Variants in DACH1 observed in about 807,000 individuals in gnomAD.
DACH1 encodes dachshund homolog 1.
DACH1 carries 12 observed loss-of-function variants against 54.2 expected under a neutral mutation model. The ratio of observed to expected loss-of-function variants is 0.22; its 90% CI spans 0.14 to 0.36. The LOEUF (loss-of-function observed/expected upper bound fraction) is 0.36, where lower values mean the gene tolerates loss of function less well. Ranked by LOEUF, DACH1 falls within the 10% of genes least tolerant of loss-of-function variation. The pLI, the probability that DACH1 is intolerant of heterozygous loss-of-function variation, is 1.00. For missense variants in DACH1, 805 were observed against 929.8 expected (o/e 0.87, Z 1.75); for synonymous variants, 386 against 366.2 (o/e 1.05, Z -0.62).
intron 1 of DACH1, among the ~76,000 whole-genome samples, chr13:71,860,319 G>A (rs563866393): frequency 6.6e-6 from 1 of 151,676 alleles, no homozygotes; most frequent in African/African-American, 2.4e-5. Flanking sequence ...GCTGACATAT[G>A]CTAAGGTCAT....
At chr13:71,775,649 G>C (rs1023419479) in intron 1 of DACH1, among the ~76,000 whole-genome samples, 3 of 151,980 alleles carry the variant, frequency 2.0e-5, no homozygotes, top group African/African-American at 7.3e-5. Flanking sequence ...GAATATAGTT[G>C]TCACAGACAT....
At chr13:71,636,549 AAATAATAATAATAAT>A (rs368128838) in intron 2 of DACH1, among the ~76,000 whole-genome samples, 3 of 146,910 alleles carry the variant, frequency 2.0e-5, no homozygotes, top group South Asian at 4.3e-4. Flanking sequence ...CACAAAGTAA[AAATAATAATAATAAT>A]AATAATAATA....
At chr13:71,864,498 CA>C (rs1479630109) in intron 1 of DACH1, among the ~76,000 whole-genome samples, 1 of 152,166 alleles carries the variant, frequency 6.6e-6, no homozygotes, top group Non-Finnish European at 1.5e-5. Context: ...CGGGAGCACA[CA>C]CTAACTCCGC....
intron 1 of DACH1, among the ~76,000 whole-genome samples, chr13:71,849,792 A>G (rs1873541243): frequency 6.6e-6 from 1 of 152,206 alleles, no homozygotes; most frequent in South Asian, 2.1e-4. Flanking sequence ...CCAGATATCA[A>G]ATTCATTCAT....
At position 71,630,547 on chromosome 13, in the gene DACH1, A is replaced by G; in HGVS notation, c.1126+9T>C. 6.3e-7 allele frequency: 1 copy of G among 1,577,750 alleles called. No individual in the cohort carries two copies. On this transcript the variant is annotated intron_variant, in intron 3 of 10. Coordinates refer to ENST00000613252, the MANE Select transcript of DACH1 (RefSeq NM_080759.6). ...GATCACAATAAGTTTCAGCGAACAT[A>G]AAACTTACCGACACTTGAATTCATG...
intron 10 of DACH1, among the ~76,000 whole-genome samples, chr13:71,462,899 C>T (rs1277309229): frequency 3.7e-5 from 3 of 81,510 alleles, no homozygotes; most frequent in Non-Finnish European, 6.2e-5. Context: ...CACACACACA[C>T]ACACACACAC....
intron 1 of DACH1, among the ~76,000 whole-genome samples, chr13:71,786,689 T>C (rs777711153): frequency 3.9e-5 from 6 of 152,180 alleles, no homozygotes; most frequent in Non-Finnish European, 5.9e-5. Flanking sequence ...CTGGCTATTA[T>C]TAAGTCCAAT....
chr13:71,748,749 T>C (rs1233981515), intron 1 of DACH1, among the ~76,000 whole-genome samples: 1 of 152,204 alleles, frequency 6.6e-6, no homozygotes, highest in East Asian at 1.9e-4. Context: ...CAAAAACATA[T>C]GGGACATTTT....
At chr13:71,827,756 AAAG>A (rs1888434769) in intron 1 of DACH1, among the ~76,000 whole-genome samples, 1 of 152,082 alleles carries the variant, frequency 6.6e-6, no homozygotes, top group African/African-American at 2.4e-5. Context: ...AGAAGTGAGA[AAAG>A]AATAGGAGAA....
chr13:71,627,608 G>A (rs575953504), intron 3 of DACH1, among the ~76,000 whole-genome samples: 3 of 152,132 alleles, frequency 2.0e-5, no homozygotes, highest in East Asian at 3.9e-4. Flanking sequence ...CTTCAGCACC[G>A]CTTCCTAACC....
chr13:71,599,310 T>G (rs1874328891), intron 3 of DACH1, among the ~76,000 whole-genome samples: 1 of 152,116 alleles, frequency 6.6e-6, no homozygotes, highest in South Asian at 2.1e-4. Flanking sequence ...TCAAATGAAT[T>G]AGGAGTAAAA....
intron 10 of DACH1, among the ~76,000 whole-genome samples, chr13:71,470,286 T>A (rs779349030): frequency 6.1e-4 from 89 of 147,106 alleles, no homozygotes; most frequent in Admixed American, 7.8e-4. Context: ...TAAACATTAA[T>A]TCTGGGTTTC....
Position 71,681,831 on chromosome 13 carries a change from G to A in DACH1, c.928C>T (p.Pro310Ser), listed in dbSNP as rs369427862. The change falls in exon 2 of 11, where the codon CCT becomes TCT. Residue 310 changes from proline (P) to serine (S), a missense_variant. Around this residue, in one of 3 missense-constraint regions of DACH1, gnomAD observed 472 missense variants for 545.3 expected, o/e 0.87. Coordinates refer to ENST00000613252, the MANE Select transcript of DACH1 (RefSeq NM_080759.6). The part of the protein sequence containing the change: ...ENSHIMPHSV[P>S]GLMSPGIIPP... ...ATTATCCCAGGAGACATGAGACCAG[G>A]GACAGAATGCGGCATGATGTGAGAG... is the stretch of plus-strand genomic sequence containing the variant. 13 of 1,613,838 alleles carry A rather than the reference G, an allele frequency of 8.1e-6. No homozygotes were observed. Among genetic ancestry groups the A allele is most frequent in the Admixed American group, 1.7e-5 (1 of 59,986 alleles).
intron 4 of DACH1, among the ~76,000 whole-genome samples, chr13:71,571,423 A>T (rs185141795): frequency 6.6e-6 from 1 of 152,288 alleles, no homozygotes; most frequent in African/African-American, 2.4e-5. Context: ...AAATTTAACA[A>T]TACGGTGATA....
Position 71,632,933 on chromosome 13 carries a change from T to C in DACH1, c.965-2216A>G, listed in dbSNP as rs117237817. On this transcript the variant is annotated intron_variant, in intron 2 of 10. Coordinates refer to ENST00000613252, the MANE Select transcript of DACH1 (RefSeq NM_080759.6). Reference sequence around the variant, plus strand: ...CAAAGATGTTTCAGAAAATTTTCTTTCCTGTTCTCTTAAAAGTCTCTTTGT... The same window carrying C: ...CAAAGATGTTTCAGAAAATTTTCTTCCCTGTTCTCTTAAAAGTCTCTTTGT... 1.4e-4 allele frequency among the ~76,000 whole-genome samples: 21 copies of C among 152,338 alleles called. No homozygotes were observed. The East Asian group carries it at 3.7e-3, about 27-fold the overall frequency.
At chr13:71,755,844 A>C (rs1049355160) in intron 1 of DACH1, among the ~76,000 whole-genome samples, 2 of 152,194 alleles carry the variant, frequency 1.3e-5, no homozygotes, top group African/African-American at 4.8e-5. Flanking sequence ...CAACAAATAT[A>C]TGGAAACCAT....
chr13:71,537,865 T>C (rs1175439410), intron 6 of DACH1, among the ~76,000 whole-genome samples: 1 of 152,124 alleles, frequency 6.6e-6, no homozygotes, highest in Non-Finnish European at 1.5e-5. Flanking sequence ...TAGACAAACA[T>C]AAAAATGTAA....
Position 71,866,341 on chromosome 13 carries a change from G to A in DACH1, c.429C>T (p.Ser143=), listed in dbSNP as rs1338996292. Residue 143 remains serine, a synonymous_variant, in exon 1 of 11, where the codon AGC becomes AGT. Coordinates refer to ENST00000613252, the MANE Select transcript of DACH1 (RefSeq NM_080759.6). The part of the protein sequence containing the change: ...PINASTGSSS[S]SSSSSSSSSS... ...TGCTGCTGCTGCTGCTGCTACTGCT[G>A]CTGCTGCTGCTGCCGGTGCTGGCGT... 2.6e-6 allele frequency: 4 copies of A among 1,530,752 alleles called. No individual in the cohort carries two copies. Among genetic ancestry groups the A allele is most frequent in the African/African-American group, 1.4e-5 (1 of 72,628 alleles). 94.8% of individuals were successfully genotyped at this position (1,530,752 alleles called of 1,614,324 possible).
intron 1 of DACH1, chr13:71,704,539 C>T: frequency 2.4e-6 from 1 of 410,002 alleles, no homozygotes; most frequent in Non-Finnish European, 4.9e-6. Flanking sequence ...CAAAGAGAAA[C>T]ATACCTGGGT....
Sources: gnomAD v4.1 joint callset for allele counts (sites outside exome capture counted in the v4.1 genomes callset) on GRCh38, gnomAD v4.1.1 for gene constraint, gnomAD v4.1.1 regional missense constraint, MANE v1.5 for transcripts, NCBI Gene and HGNC (gene_info 2026-07-23, HGNC 2026-07-21) for gene names.